Variants in MTMR2 observed in about 807,000 individuals in gnomAD.
MTMR2 encodes the protein myotubularin related protein 2.
MTMR2 carries 55 observed loss-of-function variants against 86.9 expected under a neutral mutation model. The observed-to-expected ratio is 0.63, with a 90% confidence interval of 0.51 to 0.79. The LOEUF (loss-of-function observed/expected upper bound fraction) is 0.79, where lower values mean the gene tolerates loss of function less well. Ranked by LOEUF, MTMR2 falls within the 30% of genes least tolerant of loss-of-function variation. MTMR2 has a pLI of 0.00. For synonymous variants in MTMR2, 241 were observed against 266.8 expected (o/e 0.90, Z 0.94); for missense variants, 659 against 772.3 (o/e 0.85, Z 1.74).
At chr11:95,857,069 T>G (rs1424237529) in intron 7 of MTMR2, among the ~76,000 whole-genome samples, 2 of 152,172 alleles carry the variant, frequency 1.3e-5, no homozygotes, top group Non-Finnish European at 2.9e-5. Flanking sequence ...TCTTTAGCTC[T>G]CTGGTGGTGG....
intron 9 of MTMR2, among the ~76,000 whole-genome samples, chr11:95,849,001 G>A (rs752237827): frequency 3.6e-4 from 55 of 152,222 alleles, no homozygotes; most frequent in African/African-American, 1.3e-3. Flanking sequence ...TTCAGGTAGT[G>A]GCATGGTTGT....
At chr11:95,868,398 G>C (rs1209398192) in intron 2 of MTMR2, among the ~76,000 whole-genome samples, 2 of 151,680 alleles carry the variant, frequency 1.3e-5, no homozygotes, top group African/African-American at 4.8e-5. Context: ...GAGAATGACT[G>C]CAAGGACATT....
At chr11:95,838,030 A>G in intron 13 of MTMR2, 64 bp downstream of exon 13, 2 of 1,005,252 alleles carry the variant, frequency 2.0e-6, no homozygotes, top group Non-Finnish European at 1.6e-6. Flanking sequence ...GTCACAGAGT[A>G]CATTCTTTTA....
chr11:95,870,731 CTTTTTCTTT>C (rs1252471534), intron 2 of MTMR2, among the ~76,000 whole-genome samples: 1 of 129,974 alleles, frequency 7.7e-6, no homozygotes, highest in Non-Finnish European at 1.6e-5. Flanking sequence ...TTCTTTTTTT[CTTTTTCTTT>C]TTTTTTTTAT....
intron 3 of MTMR2, 33 bp from the exon 4 acceptor site, chr11:95,862,399 C>T (rs1565359412): frequency 1.4e-6 from 2 of 1,481,382 alleles, no homozygotes; most frequent in Admixed American, 1.7e-5. Flanking sequence ...GTTTACTATA[C>T]ATTATGTGCT....
chr11:95,904,547 C>T (rs182769515), intron 1 of MTMR2, among the ~76,000 whole-genome samples: 27 of 152,274 alleles, frequency 1.8e-4, no homozygotes, highest in African/African-American at 5.8e-4. Flanking sequence ...AAACAGCATG[C>T]GGTAAAGAAG....
chr11:95,895,849 T>C (rs1009706017), intron 1 of MTMR2, among the ~76,000 whole-genome samples: 1 of 152,076 alleles, frequency 6.6e-6, no homozygotes, highest in African/African-American at 2.4e-5. Flanking sequence ...AACACATGAA[T>C]GTACATGAAT....
intron 1 of MTMR2, among the ~76,000 whole-genome samples, chr11:95,901,340 A>T (rs188409616): frequency 6.6e-6 from 1 of 152,196 alleles, no homozygotes; most frequent in Non-Finnish European, 1.5e-5. Flanking sequence ...TTTCAAGGAC[A>T]CTAAGCTATA....
chr11:95,851,758 A>G (rs1864031309), intron 7 of MTMR2, among the ~76,000 whole-genome samples: 1 of 152,236 alleles, frequency 6.6e-6, no homozygotes, highest in African/African-American at 2.4e-5. Flanking sequence ...TACGTAAAGT[A>G]CATTTTTCAC....
At chr11:95,868,025 G>A (rs1489375690) in intron 2 of MTMR2, among the ~76,000 whole-genome samples, 2 of 152,048 alleles carry the variant, frequency 1.3e-5, no homozygotes, top group East Asian at 3.9e-4. Flanking sequence ...CAGCATCCTA[G>A]GAGGCCGAGG....
At chr11:95,904,150 AAC>A in intron 1 of MTMR2, among the ~76,000 whole-genome samples, 1 of 152,074 alleles carries the variant, frequency 6.6e-6, no homozygotes, top group South Asian at 2.1e-4. Flanking sequence ...ACAAAAAACA[AAC>A]AAACAAAATC....
At position 95,857,555 on chromosome 11, in the gene MTMR2, C is replaced by T; in HGVS notation, c.651G>A (p.Arg217=). 13 of 1,601,446 alleles carry T rather than the reference C, an allele frequency of 8.1e-6. No individual in the cohort carries two copies. The highest frequency in any genetic ancestry group is 1.1e-5 in the Non-Finnish European group (13 of 1,168,822). Residue 217 remains arginine (R), a synonymous_variant, in exon 7 of 15, where the codon AGG becomes AGA. Coordinates refer to ENST00000346299, the MANE Select transcript of MTMR2 (RefSeq NM_016156.6). ...KLYDPLLEYR[R]QGIPNESWRI... is the part of the protein sequence containing the mutation. ...TGAAAGAGAAGAAAGTACATACCTG[C>T]CTTCTATACTCTAAAAGAGGGTCAT... is the stretch of plus-strand genomic sequence containing the variant.
At chr11:95,837,768 A>G (rs1386318953) in intron 13 of MTMR2, among the ~76,000 whole-genome samples, 1 of 152,008 alleles carries the variant, frequency 6.6e-6, no homozygotes, top group East Asian at 1.9e-4. Context: ...ATTTTTCTGC[A>G]CCTGCTGTAA....
intron 1 of MTMR2, among the ~76,000 whole-genome samples, chr11:95,911,359 T>G (rs1191304346): frequency 1.3e-5 from 2 of 152,186 alleles, no homozygotes; most frequent in Non-Finnish European, 2.9e-5. Flanking sequence ...GAAAATAATT[T>G]ACATATGTCT....
intron 10 of MTMR2, among the ~76,000 whole-genome samples, chr11:95,846,090 A>G (rs959325136): frequency 5.9e-5 from 9 of 152,156 alleles, no homozygotes; most frequent in African/African-American, 1.9e-4. Flanking sequence ...TCTTGACTAT[A>G]TATCAAGAGT....
intron 5 of MTMR2, among the ~76,000 whole-genome samples, chr11:95,858,884 T>C (rs1237842555): frequency 6.6e-6 from 1 of 152,132 alleles, no homozygotes; most frequent in East Asian, 1.9e-4. Flanking sequence ...GGACTCAAAA[T>C]AGGCCAGTGA....
chr11:95,922,503 T>C (rs1007612458), intron 1 of MTMR2, among the ~76,000 whole-genome samples: 2 of 151,700 alleles, frequency 1.3e-5, no homozygotes, highest in Non-Finnish European at 2.9e-5. Context: ...GTGCAATATA[T>C]ATAATCAAAC....
chr11:95,848,892 A>G (rs1863905597), intron 9 of MTMR2, among the ~76,000 whole-genome samples: 1 of 152,198 alleles, frequency 6.6e-6, no homozygotes, highest in African/African-American at 2.4e-5. Flanking sequence ...TAAGACAGGA[A>G]CTTTCAATTC....
intron 2 of MTMR2, among the ~76,000 whole-genome samples, chr11:95,884,172 A>C (rs1320591898): frequency 6.6e-6 from 1 of 152,218 alleles, no homozygotes; most frequent in Non-Finnish European, 1.5e-5. Flanking sequence ...TTTTGCCTGT[A>C]ATTAAAACAC....
Sources: allele counts gnomAD v4.1 joint callset (sites outside exome capture counted in the v4.1 genomes callset), GRCh38; gene constraint gnomAD v4.1.1; transcripts MANE v1.5; gene names NCBI Gene and HGNC (gene_info 2026-07-23, HGNC 2026-07-21).